Variants in GAB2 observed in about 807,000 individuals in gnomAD.
GAB2 encodes GRB2 associated binding protein 2.
A neutral mutation model predicts 65.5 loss-of-function variants in GAB2; 26 were observed. That is an observed-to-expected ratio of 0.40 (90% CI 0.29 to 0.55). GAB2 has a LOEUF of 0.55. Ranked by LOEUF, GAB2 falls within the 20% of genes least tolerant of loss-of-function variation. The pLI is 0.53. For missense variants in GAB2, 884 were observed against 875.8 expected (o/e 1.01, Z -0.12); for synonymous variants, 321 against 329.6 (o/e 0.97, Z 0.28).
chr11:78,399,333 C>T (rs758910512), intron 1 of GAB2, among the ~76,000 whole-genome samples: 4 of 152,156 alleles, frequency 2.6e-5, no homozygotes, highest in South Asian at 4.1e-4. Context: ...GCCCAGAAGG[C>T]GGCTCCCTTT....
At chr11:78,416,455 C>T (rs911899072) in intron 1 of GAB2, among the ~76,000 whole-genome samples, 1 of 152,188 alleles carries the variant, frequency 6.6e-6, no homozygotes, top group East Asian at 1.9e-4. Context: ...TAGGCTTCTG[C>T]CTCTCCCCCC....
chr11:78,271,456 A>G (rs1036254991), intron 2 of GAB2, among the ~76,000 whole-genome samples: 7 of 152,194 alleles, frequency 4.6e-5, no homozygotes, highest in African/African-American at 1.7e-4. Context: ...CTCTCTCAAG[A>G]GATTGTTTCC....
intron 1 of GAB2, among the ~76,000 whole-genome samples, chr11:78,343,646 T>C (rs932531742): frequency 1.3e-5 from 2 of 152,214 alleles, no homozygotes; most frequent in Admixed American, 6.5e-5. Flanking sequence ...CTGCTGCTTC[T>C]TGGGAATTAC....
At chr11:78,255,362 T>C (rs142761811) in intron 2 of GAB2, among the ~76,000 whole-genome samples, 6 of 152,340 alleles carry the variant, frequency 3.9e-5, no homozygotes, top group Admixed American at 6.5e-5. Flanking sequence ...ACTCACTTTG[T>C]GGTAATTTGT....
chr11:78,414,972 C>T (rs182650269), intron 1 of GAB2, among the ~76,000 whole-genome samples: 6 of 152,200 alleles, frequency 3.9e-5, no homozygotes, highest in Admixed American at 1.3e-4. Context: ...CCCGGGCTCA[C>T]GCGATTCTCA....
At chr11:78,238,511 T>C (rs1482649590) in intron 3 of GAB2, among the ~76,000 whole-genome samples, 1 of 144,224 alleles carries the variant, frequency 6.9e-6, no homozygotes, top group Non-Finnish European at 1.5e-5. Context: ...CGAAGAAATA[T>C]TGGTAGAAAG....
chr11:78,288,396 AAAG>A (rs1287406568), intron 1 of GAB2, among the ~76,000 whole-genome samples: 21 of 149,894 alleles, frequency 1.4e-4, no homozygotes, highest in South Asian at 1.0e-3. Flanking sequence ...AAAAAAAAAA[AAAG>A]AAGAAGAAGA....
intron 1 of GAB2, among the ~76,000 whole-genome samples, chr11:78,370,024 G>A (rs1591069956): frequency 1.3e-5 from 2 of 152,120 alleles, no homozygotes; most frequent in South Asian, 2.1e-4. Context: ...TTGGGAGGCC[G>A]AGGCGGGCGG....
chr11:78,405,704 G>A (rs921772397), intron 1 of GAB2, among the ~76,000 whole-genome samples: 1 of 152,196 alleles, frequency 6.6e-6, no homozygotes, highest in Non-Finnish European at 1.5e-5. Context: ...AAGGTGAAGA[G>A]TAGGCGGCAG....
chr11:78,317,492 G>A (rs1033170613), intron 1 of GAB2, among the ~76,000 whole-genome samples: 1 of 149,052 alleles, frequency 6.7e-6, no homozygotes, highest in Admixed American at 6.7e-5. Context: ...CCTGGGAGGC[G>A]GAGGTTGCAG....
chr11:78,292,032 G>GAGAC (rs1866697015), intron 1 of GAB2, among the ~76,000 whole-genome samples: 1 of 151,320 alleles, frequency 6.6e-6, no homozygotes, highest in Admixed American at 6.6e-5. Flanking sequence ...GTGTGTGTGA[G>GAGAC]AGAGAGAGAG....
chr11:78,314,358 A>G lies in GAB2; in HGVS notation c.76-33457T>C, dbSNP rs931882188. 3.9e-5 allele frequency among the ~76,000 whole-genome samples: 6 copies of G among 152,336 alleles called. No individual in the cohort carries two copies. In the East Asian group the frequency reaches 1.2e-3, roughly 29 times the overall value. On this transcript the variant is annotated intron_variant, in intron 1 of 9. Transcript: ENST00000361507. ...TGACATGCCAAAATTCTTCACTCAC[A>G]TGGTGTAATTTTTAATACAACCACT...
At chr11:78,357,092 G>A (rs2134712186) in intron 1 of GAB2, among the ~76,000 whole-genome samples, 1 of 152,254 alleles carries the variant, frequency 6.6e-6, no homozygotes, top group South Asian at 2.1e-4. Flanking sequence ...TGATGGTCAT[G>A]CAACAATGTG....
chr11:78,399,582 A>G (rs868231005), intron 1 of GAB2, among the ~76,000 whole-genome samples: 4 of 152,116 alleles, frequency 2.6e-5, no homozygotes, highest in African/African-American at 7.3e-5. Flanking sequence ...TGTTCCTTTC[A>G]GGAAAAATTA....
intron 1 of GAB2, among the ~76,000 whole-genome samples, chr11:78,384,102 CT>C (rs1856735110): frequency 6.6e-6 from 1 of 152,170 alleles, no homozygotes. Context: ...TGTACCAAAC[CT>C]GCACTCTCAT....
At chr11:78,371,398 A>T (rs1229690412) in intron 1 of GAB2, among the ~76,000 whole-genome samples, 5 of 152,246 alleles carry the variant, frequency 3.3e-5, no homozygotes, top group African/African-American at 7.2e-5. Context: ...TTACATGGTT[A>T]TAGTGAAGAT....
chr11:78,233,645 C>T (rs1210008098), intron 3 of GAB2, among the ~76,000 whole-genome samples: 1 of 152,004 alleles, frequency 6.6e-6, no homozygotes, highest in African/African-American at 2.4e-5. Context: ...CTCACTCTGT[C>T]GCCCAAGCTA....
chr11:78,252,295 T>C (rs913396226), intron 2 of GAB2, among the ~76,000 whole-genome samples: 1 of 152,222 alleles, frequency 6.6e-6, no homozygotes, highest in Non-Finnish European at 1.5e-5. Context: ...TTGACAGCTG[T>C]ATTGACCCCC....
chr11:78,239,838 C>T (rs1343368271), intron 3 of GAB2, among the ~76,000 whole-genome samples: 5 of 152,164 alleles, frequency 3.3e-5, no homozygotes, highest in African/African-American at 7.2e-5. Context: ...AGCTGTGTTC[C>T]GTGTGGCTAC....
Sources: allele counts gnomAD v4.1 joint callset (sites outside exome capture counted in the v4.1 genomes callset), GRCh38; gene constraint gnomAD v4.1.1; transcripts MANE v1.5; gene names NCBI Gene and HGNC (gene_info 2026-07-23, HGNC 2026-07-21).